Variants in CDH13 observed in about 807,000 individuals in gnomAD.
The protein encoded by CDH13 is cadherin 13, also known as cadherin-13.
In CDH13, 24 loss-of-function variants were observed where a neutral mutation model predicts 63.8. The observed-to-expected ratio is 0.38, with a 90% CI of 0.27 to 0.53. CDH13 has a LOEUF of 0.53. CDH13 is among the 20% of genes least tolerant of loss of function. The probability of loss-of-function intolerance (pLI) is 0.85; values close to 1 mark genes in which losing one functional copy is unlikely to be tolerated. For synonymous variants in CDH13, 503 were observed against 355.3 expected, an observed-to-expected ratio of 1.42 and a Z score of -4.67; for missense variants, 1,049 against 903.1, an observed-to-expected ratio of 1.16 and a Z score of -2.07.
At chr16:82,732,304 G>C (rs962548757) in intron 1 of CDH13, among the ~76,000 whole-genome samples, 4 of 152,108 alleles carry the variant, frequency 2.6e-5, no homozygotes, top group African/African-American at 7.2e-5. Context: ...AAAAGTTTTA[G>C]TGTCAGCTCC....
At chr16:83,471,844 A>G (rs1260096242) in intron 6 of CDH13, among the ~76,000 whole-genome samples, 1 of 152,214 alleles carries the variant, frequency 6.6e-6, no homozygotes, top group African/African-American at 2.4e-5. Flanking sequence ...CATCGAGCAC[A>G]TGGAGGAGAC....
chr16:83,191,429 G>A (rs1403711721), intron 4 of CDH13, among the ~76,000 whole-genome samples: 1 of 131,346 alleles, frequency 7.6e-6, no homozygotes, highest in African/African-American at 2.8e-5. Context: ...TATTAGTCGG[G>A]GTTCTTTAGA....
chr16:83,563,456 C>G (rs576732248), intron 7 of CDH13, among the ~76,000 whole-genome samples: 1 of 152,166 alleles, frequency 6.6e-6, no homozygotes, highest in Non-Finnish European at 1.5e-5. Flanking sequence ...CAAAGAATGA[C>G]TTTGAGCAAA....
chr16:82,735,079 G>A (rs577505327), intron 1 of CDH13, among the ~76,000 whole-genome samples: 1 of 152,280 alleles, frequency 6.6e-6, no homozygotes, highest in Admixed American at 6.5e-5. Context: ...CTCTTTTGAA[G>A]GTAAAGCTTT....
At chr16:82,873,762 G>A (rs2040418268) in intron 2 of CDH13, among the ~76,000 whole-genome samples, 1 of 152,172 alleles carries the variant, frequency 6.6e-6, no homozygotes, top group Non-Finnish European at 1.5e-5. Context: ...GTGGGATGAT[G>A]CTGTTTGAAT....
chr16:82,637,643 TA>T (rs1292504359), intron 1 of CDH13: 1 of 151,212 alleles, frequency 6.6e-6, no homozygotes, highest in African/African-American at 2.4e-5. Flanking sequence ...TTCACCGTGT[TA>T]GCCAGGATGG....
chr16:83,431,650 T>G (rs2072113060), intron 6 of CDH13, among the ~76,000 whole-genome samples: 1 of 151,970 alleles, frequency 6.6e-6, no homozygotes, highest in African/African-American at 2.4e-5. Context: ...AAAGGAGGAA[T>G]GAGGTATCTC....
chr16:83,433,941 T>G (rs2072206370), intron 6 of CDH13, among the ~76,000 whole-genome samples: 1 of 152,058 alleles, frequency 6.6e-6, no homozygotes, highest in Non-Finnish European at 1.5e-5. Context: ...TTCCTTTGCG[T>G]TGGGGGGGAA....
At chr16:83,744,451 C>T (rs58314363) in intron 10 of CDH13, among the ~76,000 whole-genome samples, 2,607 of 152,316 alleles carry the variant, frequency 0.017, 78 homozygotes, top group African/African-American at 0.06. Flanking sequence ...CTTCTGTTTT[C>T]ACAAAATAGT....
chr16:82,772,029 A>G (rs969308637), intron 1 of CDH13, among the ~76,000 whole-genome samples: 10 of 152,228 alleles, frequency 6.6e-5, no homozygotes, highest in African/African-American at 2.4e-4. Context: ...GTTACAGACA[A>G]AGCAGATCCA....
intron 5 of CDH13, among the ~76,000 whole-genome samples, chr16:83,240,707 C>A (rs1435198583): frequency 9.1e-6 from 1 of 109,898 alleles, no homozygotes; most frequent in Non-Finnish European, 1.9e-5. Context: ...TTTAAATTTA[C>A]TGTCTTAATC....
At chr16:83,382,478 A>G (rs560894442) in intron 6 of CDH13, among the ~76,000 whole-genome samples, 4 of 151,952 alleles carry the variant, frequency 2.6e-5, no homozygotes, top group African/African-American at 9.7e-5. Flanking sequence ...CGTACACTCT[A>G]TCTCCCTATG....
At chr16:83,555,289 G>A (rs2075580449) in intron 7 of CDH13, among the ~76,000 whole-genome samples, 1 of 152,148 alleles carries the variant, frequency 6.6e-6, no homozygotes, top group Non-Finnish European at 1.5e-5. Context: ...GCTGCTCAAA[G>A]TACAGTCCAT....
rs187608406 is a variant in CDH13, at chr16:82,701,769, T to C, written c.45+74632T>C. ...ATACAAATCTTAGAAATAAATTTTATTGGCTCTTAACATGTCACGTGCCCA... is the reference window on the plus strand; with the variant it reads ...ATACAAATCTTAGAAATAAATTTTACTGGCTCTTAACATGTCACGTGCCCA... On this transcript the variant is annotated intron_variant, in intron 1 of 13. Coordinates refer to ENST00000567109, the MANE Select transcript of CDH13 (RefSeq NM_001257.5). Among the ~76,000 whole-genome samples, 3 of 152,268 alleles carry C rather than the reference T, an allele frequency of 2.0e-5. No homozygotes were observed. The East Asian group carries it at 5.8e-4, about 29-fold the overall frequency.
rs1041014707 is a variant in CDH13 at position 82,733,879 on chromosome 16, C to T, written c.45+106742C>T. Among the ~76,000 whole-genome samples the T allele has an allele frequency of 2.6e-5, 4 of 152,316 alleles. 1 individual carries two copies. The highest frequency in any genetic ancestry group is 2.9e-5 in the Non-Finnish European group (2 of 68,028). ...TTGCATTCAGCAAATAAGTACATAGCACCTATCATGAACCAGTGACTTTGC... is the reference window on the plus strand; with the variant it reads ...TTGCATTCAGCAAATAAGTACATAGTACCTATCATGAACCAGTGACTTTGC... On this transcript the variant is annotated intron_variant, in intron 1 of 13. Coordinates refer to ENST00000567109, the MANE Select transcript of CDH13 (RefSeq NM_001257.5).
At chr16:83,007,212 G>A (rs140993576) in intron 2 of CDH13, among the ~76,000 whole-genome samples, 256 of 152,244 alleles carry the variant, frequency 1.7e-3, no homozygotes, top group African/African-American at 5.6e-3. Flanking sequence ...ATGAGCCACC[G>A]CGCCCAGCAT....
In CDH13 at chr16:82,970,469, G is replaced by A. The variant is rs544262060; in HGVS notation, c.158-61541G>A. 1.2e-4 allele frequency among the ~76,000 whole-genome samples: 13 copies of A among 106,222 alleles called. 1 individual carries two copies. The highest frequency in any genetic ancestry group is 9.6e-4 in the Admixed American group (9 of 9,406). 69.7% of individuals were successfully genotyped at this position (106,222 alleles called of 152,430 possible). ...CTGCGGACTGCAGTGGCGCAATCTC[G>A]GCTCACTGCAAGCTCCACTTCCCGG... is the stretch of plus-strand genomic sequence containing the variant. On this transcript the variant is annotated intron_variant, in intron 2 of 13. Transcript: ENST00000567109.
At chr16:82,918,763 C>G (rs1428533108) in intron 2 of CDH13, among the ~76,000 whole-genome samples, 1 of 152,086 alleles carries the variant, frequency 6.6e-6, no homozygotes, top group Non-Finnish European at 1.5e-5. Context: ...CCTACCTCAA[C>G]CCCCCGACAA....
chr16:83,088,506 A>T (rs952350323), intron 3 of CDH13, among the ~76,000 whole-genome samples: 5 of 152,234 alleles, frequency 3.3e-5, no homozygotes, highest in Non-Finnish European at 7.3e-5. Flanking sequence ...CTCTAGGATC[A>T]GTAGCCCTTA....
Sources: allele counts gnomAD v4.1 joint callset (sites outside exome capture counted in the v4.1 genomes callset), GRCh38; gene constraint gnomAD v4.1.1; transcripts MANE v1.5; gene names NCBI Gene and HGNC (gene_info 2026-07-23, HGNC 2026-07-21).